The following WDR37 variants were observed in gnomAD, a reference collection of about 807,000 sequenced individuals.
The protein encoded by WDR37 is WD repeat-containing protein 37.
WDR37 carries 19 observed loss-of-function variants against 62.9 expected under a neutral mutation model. That is an observed-to-expected ratio of 0.30 (90% CI 0.21 to 0.44). The LOEUF (loss-of-function observed/expected upper bound fraction) is 0.44, where lower values mean the gene tolerates loss of function less well. Among genes scored for constraint, WDR37 ranks in the 20% least tolerant of loss-of-function variants. The probability of loss-of-function intolerance (pLI) is 1.00; values close to 1 mark genes in which losing one functional copy is unlikely to be tolerated. For missense variants in WDR37, 474 were observed against 657.6 expected (o/e 0.72, Z 3.05); for synonymous variants, 250 against 260.9 (o/e 0.96, Z 0.40).
intron 9 of WDR37, among the ~76,000 whole-genome samples, chr10:1,102,250 G>T (rs1399257849): frequency 7.4e-6 from 1 of 134,860 alleles, no homozygotes; most frequent in African/African-American, 2.8e-5. Context: ...CCGTGCCGCT[G>T]TGCGTCCCTG....
chr10:1,093,433 T>C lies in WDR37; in HGVS notation c.605-19T>C. On this transcript the variant is annotated intron_variant, in intron 7 of 13. Coordinates refer to ENST00000263150, the MANE Select transcript of WDR37 (RefSeq NM_014023.4). Reference sequence around the variant, plus strand: ...TTTTGTCACTTTAAACCTGTTTTTATCATATTTTTATTTTGCAGTAAATTC... The same window carrying C: ...TTTTGTCACTTTAAACCTGTTTTTACCATATTTTTATTTTGCAGTAAATTC... The C allele has an allele frequency of 6.3e-7, 1 of 1,599,500 alleles. No homozygotes were observed.
intron 7 of WDR37, among the ~76,000 whole-genome samples, chr10:1,088,533 A>C (rs1250708267): frequency 6.6e-6 from 1 of 152,132 alleles, no homozygotes; most frequent in Non-Finnish European, 1.5e-5. Flanking sequence ...TGGAGCAGTC[A>C]TAACTCCCAC....
rs180979811 is a variant in WDR37, at chr10:1,122,264, C to T, written c.1104-1954C>T. On this transcript the variant is annotated intron_variant, in intron 11 of 13. Transcript: ENST00000263150. Reference sequence around the variant, plus strand: ...GATTTGTGACGACAAGAGGACACTTCCTTCATGGATAGGTGGAAATTCACA... The same window carrying T: ...GATTTGTGACGACAAGAGGACACTTTCTTCATGGATAGGTGGAAATTCACA... Among the ~76,000 whole-genome samples, 14 of 152,210 alleles carry T rather than the reference C, an allele frequency of 9.2e-5. No homozygotes were observed. In the East Asian group the frequency reaches 2.7e-3, roughly 29 times the overall value.
intron 4 of WDR37, 135 bp from the exon 5 acceptor site, chr10:1,080,277 A>T: frequency 1.6e-6 from 2 of 1,283,496 alleles, no homozygotes; most frequent in Non-Finnish European, 2.2e-6. Context: ...CTGTTCTGCC[A>T]TGGCTCTGTG....
intron 11 of WDR37, among the ~76,000 whole-genome samples, chr10:1,122,411 G>A (rs1375668178): frequency 6.6e-6 from 1 of 152,206 alleles, no homozygotes; most frequent in Non-Finnish European, 1.5e-5. Context: ...GGTCAAGCCT[G>A]TGTCTCTCTG....
chr10:1,119,753 A>G (rs1056488281), intron 11 of WDR37, among the ~76,000 whole-genome samples: 3 of 152,230 alleles, frequency 2.0e-5, no homozygotes, highest in African/African-American at 7.2e-5. Flanking sequence ...TCTTCTGCAC[A>G]CTGTCTGACG....
Position 1,129,269 on chromosome 10 carries a change from T to C in WDR37, c.1410T>C (p.Asn470=), listed in dbSNP as rs147754127. The C allele has an allele frequency of 2.0e-5, 32 of 1,614,058 alleles. No homozygotes were observed. The highest frequency in any genetic ancestry group is 2.6e-5 in the Non-Finnish European group (31 of 1,180,044). ...SAWSEDHPVC[N]LFTCGFDRQA... ...GGAGTGAAGACCACCCCGTGTGCAA[T>C]CTGTTCACCTGTGGGTTTGACCGGC... is the stretch of plus-strand genomic sequence containing the variant. Residue 470 remains asparagine (N), a synonymous_variant, in exon 14 of 14, where the codon AAT becomes AAC. Coordinates refer to ENST00000263150, the MANE Select transcript of WDR37 (RefSeq NM_014023.4).
chr10:1,058,837 T>G lies in WDR37; in HGVS notation c.-41+1869T>G, dbSNP rs370668346. On this transcript the variant is annotated intron_variant, in intron 1 of 13. Transcript: ENST00000263150. ...TTACGATAAAATGTTACTACAAACTTGATTAAACTTCTGGTGGAAATTCCA... is the reference window on the plus strand; with the variant it reads ...TTACGATAAAATGTTACTACAAACTGGATTAAACTTCTGGTGGAAATTCCA... Among the ~76,000 whole-genome samples, 5 of 152,378 alleles carry G rather than the reference T, an allele frequency of 3.3e-5. No individual in the cohort carries two copies. In the East Asian group the frequency reaches 9.6e-4, roughly 29 times the overall value.
chr10:1,109,411 T>G (rs965790637), intron 11 of WDR37, among the ~76,000 whole-genome samples: 1 of 152,248 alleles, frequency 6.6e-6, no homozygotes, highest in Non-Finnish European at 1.5e-5. Flanking sequence ...TGAAGTGAAG[T>G]CAGTGCTGGT....
At chr10:1,119,662 CTTATAATA>C (rs1050557299) in intron 11 of WDR37, among the ~76,000 whole-genome samples, 1 of 152,204 alleles carries the variant, frequency 6.6e-6, no homozygotes, top group African/African-American at 2.4e-5. Context: ...CACTGCTGAC[CTTATAATA>C]TTATAAGTGG....
intron 1 of WDR37, among the ~76,000 whole-genome samples, chr10:1,057,664 A>G (rs1833235288): frequency 6.6e-6 from 1 of 152,228 alleles, no homozygotes; most frequent in South Asian, 2.1e-4. Flanking sequence ...TAATGTACTC[A>G]TTTACTAAAC....
In WDR37 at chr10:1,074,315, A is replaced by G. The variant is rs1264426394; in HGVS notation, c.138+2022A>G. The G allele has an allele frequency of 5.8e-6, 7 of 1,208,516 alleles. No homozygotes were observed. In the Admixed American group the frequency reaches 9.4e-5, roughly 16 times the overall value. 74.9% of individuals were successfully genotyped at this position (1,208,516 alleles called of 1,614,324 possible). ...GTTCTTTTCTGGGCCCTGAATGCCCATTCTCCTTTGTGACACAGCAGAGGC... is the reference window on the plus strand; with the variant it reads ...GTTCTTTTCTGGGCCCTGAATGCCCGTTCTCCTTTGTGACACAGCAGAGGC... On this transcript the variant is annotated intron_variant, in intron 2 of 13. Transcript: ENST00000263150.
chr10:1,082,997 T>C (rs943970995), intron 5 of WDR37, among the ~76,000 whole-genome samples: 6 of 152,200 alleles, frequency 3.9e-5, no homozygotes, highest in Non-Finnish European at 7.3e-5. Context: ...GAAAATGAAA[T>C]TTACTACAAT....
chr10:1,107,000 C>G (rs542308338), intron 11 of WDR37, among the ~76,000 whole-genome samples: 9 of 152,296 alleles, frequency 5.9e-5, no homozygotes, highest in African/African-American at 1.7e-4. Flanking sequence ...TTTATTCTGC[C>G]AGCTCCGTCA....
intron 7 of WDR37, among the ~76,000 whole-genome samples, chr10:1,091,003 G>T (rs1172806602): frequency 6.6e-6 from 1 of 152,162 alleles, no homozygotes; most frequent in African/African-American, 2.4e-5. Context: ...CTCTCTCGAG[G>T]GCCTCGTTAT....
intron 1 of WDR37, among the ~76,000 whole-genome samples, chr10:1,070,198 ACT>A (rs1833685543): frequency 7.5e-6 from 1 of 133,264 alleles, no homozygotes; most frequent in Non-Finnish European, 1.6e-5. Flanking sequence ...ACAGAGCAAG[ACT>A]CTGTCTCAAA....
chr10:1,113,009 T>C (rs1835262274), intron 11 of WDR37, among the ~76,000 whole-genome samples: 1 of 152,220 alleles, frequency 6.6e-6, no homozygotes. Context: ...CAAAACAGCC[T>C]TCTGTTAAAG....
In WDR37 at chr10:1,124,212, T is replaced by A. The variant is rs1233592669; in HGVS notation, c.1104-6T>A. 5.0e-6 allele frequency: 8 copies of A among 1,614,020 alleles called. No individual in the cohort carries two copies. The highest frequency in any genetic ancestry group is 6.8e-6 in the Non-Finnish European group (8 of 1,180,028). On this transcript the variant is annotated splice_polypyrimidine_tract_variant and splice_region_variant and intron_variant, in intron 11 of 13. Coordinates refer to ENST00000263150, the MANE Select transcript of WDR37 (RefSeq NM_014023.4). ...TTGCATCTGACTCTGTGCCCTTTGT[T>A]CATAGCACTGTGACTTCTGCCGTGT...
rs189763597 is a variant in WDR37 at position 1,081,859 on chromosome 10, A to G, written c.396+1383A>G. On this transcript the variant is annotated intron_variant, in intron 5 of 13. Coordinates refer to ENST00000263150, the MANE Select transcript of WDR37 (RefSeq NM_014023.4). Reference sequence around the variant, plus strand: ...GGTCTTGGAATTCCAAAACTTTCTCATTATTACTGAAGTAGAGGAAGAAAT... The same window carrying G: ...GGTCTTGGAATTCCAAAACTTTCTCGTTATTACTGAAGTAGAGGAAGAAAT... 2.0e-3 allele frequency among the ~76,000 whole-genome samples: 305 copies of G among 152,250 alleles called. 1 individual carries two copies. The highest frequency in any genetic ancestry group is 6.9e-3 in the African/African-American group (285 of 41,544).
Sources: gnomAD v4.1 joint callset for allele counts (sites outside exome capture counted in the v4.1 genomes callset) on GRCh38, gnomAD v4.1.1 for gene constraint, MANE v1.5 for transcripts, NCBI Gene and HGNC (gene_info 2026-07-23, HGNC 2026-07-21) for gene names.